CPEB4: variants seen among roughly 807,000 people sequenced by gnomAD.
CPEB4 encodes cytoplasmic polyadenylation element-binding protein 4.
A neutral mutation model predicts 72.5 loss-of-function variants in CPEB4; 12 were observed. That is an observed-to-expected ratio of 0.17 (90% CI 0.11 to 0.27). The LOEUF is 0.27. CPEB4 is among the 10% of genes least tolerant of loss of function. CPEB4 has a pLI of 1.00. For synonymous variants in CPEB4, 302 were observed against 326.3 expected (o/e 0.93, Z 0.80); for missense variants, 614 against 908.5 (o/e 0.68, Z 4.17).
chr5:173,888,555 C>T lies in CPEB4; in HGVS notation c.-1179C>T. The T allele has an allele frequency of 2.5e-6, 1 of 403,164 alleles. No homozygotes were observed. Among genetic ancestry groups the T allele is most frequent in the African/African-American group, 2.1e-5 (1 of 48,702 alleles). The allele number at this position is 403,164 out of a possible 1,614,324, so 25.0% of individuals were successfully genotyped here. ...GGTAAAGCGGCGACGGCGGCGACGG[C>T]CCAGCAACCGTGAGGAGAAACAAAA... On this transcript the variant is annotated 5_prime_UTR_variant, in exon 1 of 10. Coordinates refer to ENST00000265085, the MANE Select transcript of CPEB4 (RefSeq NM_030627.4). This position sits in a 1 kb window ranked among gnomAD's most constrained non-coding sequence, Gnocchi z 4.3.
intron 1 of CPEB4, among the ~76,000 whole-genome samples, chr5:173,892,079 G>C (rs1755833411): frequency 6.6e-6 from 1 of 152,166 alleles, no homozygotes; most frequent in East Asian, 1.9e-4. Context: ...TGCAAAGGCT[G>C]AAACAGATTA....
intron 2 of CPEB4, among the ~76,000 whole-genome samples, chr5:173,917,448 G>T (rs1297227465): frequency 1.3e-5 from 2 of 152,184 alleles, no homozygotes; most frequent in Non-Finnish European, 2.9e-5. Flanking sequence ...AGAAGAAGTG[G>T]ATAGGCTGGG....
At chr5:173,898,310 A>G (rs920404508) in intron 1 of CPEB4, among the ~76,000 whole-genome samples, 5 of 152,290 alleles carry the variant, frequency 3.3e-5, no homozygotes, top group Admixed American at 1.3e-4. Flanking sequence ...TTTATTGTCT[A>G]TGAGACCTTA....
intron 1 of CPEB4, among the ~76,000 whole-genome samples, chr5:173,906,235 A>C (rs558684447): frequency 2.6e-5 from 4 of 152,316 alleles, no homozygotes; most frequent in Non-Finnish European, 5.9e-5. Flanking sequence ...GAAAACCAGC[A>C]TTGTTTGTAC....
chr5:173,901,917 CA>C (rs1490650169), intron 1 of CPEB4, among the ~76,000 whole-genome samples: 1 of 152,066 alleles, frequency 6.6e-6, no homozygotes, highest in African/African-American at 2.4e-5. Flanking sequence ...CTCTGTCATA[CA>C]GAGCTTATCA....
intron 2 of CPEB4, chr5:173,918,302 T>A (rs1756952063): frequency 2.0e-5 from 3 of 152,252 alleles, no homozygotes. Flanking sequence ...GTGGCATGAT[T>A]TTTTTGTATG....
chr5:173,898,284 A>G (rs553488309), intron 1 of CPEB4, among the ~76,000 whole-genome samples: 2 of 152,300 alleles, frequency 1.3e-5, no homozygotes, highest in African/African-American at 4.8e-5. Context: ...CTAGTCAGTA[A>G]AATAGTTGCT....
intron 1 of CPEB4, among the ~76,000 whole-genome samples, chr5:173,899,449 C>T (rs1315371206): frequency 6.6e-6 from 1 of 152,126 alleles, no homozygotes; most frequent in Non-Finnish European, 1.5e-5. Context: ...TCTGTTGTAC[C>T]TGCTCAGTCT....
intron 1 of CPEB4, among the ~76,000 whole-genome samples, chr5:173,899,794 A>T (rs1432036352): frequency 2.0e-5 from 3 of 152,172 alleles, no homozygotes; most frequent in Non-Finnish European, 4.4e-5. Flanking sequence ...GACTGCATCA[A>T]CTTTTTACAT....
At chr5:173,927,105 C>T (rs577838855) in intron 2 of CPEB4, among the ~76,000 whole-genome samples, 4 of 152,126 alleles carry the variant, frequency 2.6e-5, no homozygotes, top group African/African-American at 7.2e-5. Flanking sequence ...GAGCCAAGAT[C>T]GTGCCATTGC....
intron 3 of CPEB4, among the ~76,000 whole-genome samples, chr5:173,942,447 G>A (rs536873558): frequency 6.6e-6 from 1 of 152,310 alleles, no homozygotes; most frequent in South Asian, 2.1e-4. Flanking sequence ...AAAATACCAA[G>A]CCTTTTACTT....
In CPEB4 at chr5:173,889,711, G is replaced by T. The variant is rs1755734097; in HGVS notation, c.-23G>T. 2.0e-6 allele frequency: 3 copies of T among 1,531,508 alleles called. No individual in the cohort carries two copies. Among genetic ancestry groups the T allele is most frequent in the South Asian group, 1.3e-5 (1 of 78,842 alleles). The allele number at this position is 1,531,508 out of a possible 1,614,324, so 94.9% of individuals were successfully genotyped here. On this transcript the variant is annotated 5_prime_UTR_variant, in exon 1 of 10. Coordinates refer to ENST00000265085, the MANE Select transcript of CPEB4 (RefSeq NM_030627.4). ...ATCAGGTTGTCATTTTTTATTGTGA[G>T]ATTCTGCTCCTAAAGATAATAAATG...
intron 2 of CPEB4, among the ~76,000 whole-genome samples, chr5:173,911,758 C>CTTCA (rs368468085): frequency 0.012 from 1,677 of 139,106 alleles, 20 homozygotes; most frequent in African/African-American, 0.029. Context: ...CTGTTGGCTC[C>CTTCA]TTCATTCATT....
chr5:173,891,071 TGTC>T (rs1755794641), intron 1 of CPEB4, among the ~76,000 whole-genome samples: 1 of 151,184 alleles, frequency 6.6e-6, no homozygotes, highest in South Asian at 2.2e-4. Flanking sequence ...GCCTTAATCT[TGTC>T]ATAGATAATT....
chr5:173,889,481 C>G lies in CPEB4; in HGVS notation c.-253C>G, dbSNP rs1755725675. 2.8e-6 allele frequency: 1 copy of G among 358,416 alleles called. No homozygotes were observed. The highest frequency in any genetic ancestry group is 4.2e-5 in the Admixed American group (1 of 23,602). The allele number at this position is 358,416 out of a possible 1,614,324, so 22.2% of individuals were successfully genotyped here. Reference sequence around the variant, plus strand: ...ATTTTTACCCTCTTCATTTTTATTCCCTCCTAAAAATAAGCCCAATTGGAT... The same window carrying G: ...ATTTTTACCCTCTTCATTTTTATTCGCTCCTAAAAATAAGCCCAATTGGAT... On this transcript the variant is annotated 5_prime_UTR_variant, in exon 1 of 10. Transcript: ENST00000265085.
Position 173,900,686 on chromosome 5 carries a change from T to C in CPEB4, c.1125+9828T>C, listed in dbSNP as rs554052550. On this transcript the variant is annotated intron_variant, in intron 1 of 9. Transcript: ENST00000265085. The surrounding 1 kb of genome is among the most constrained non-coding windows in gnomAD (Gnocchi z 4.4). ...CTCTATGAAAACAGGTTATAGAAAA[T>C]AGCACAGAATCACTGACTTATTCAG... Among the ~76,000 whole-genome samples, 1 of 152,342 alleles carries C rather than the reference T, an allele frequency of 6.6e-6. No individual in the cohort carries two copies. Among genetic ancestry groups the C allele is most frequent in the East Asian group, 1.9e-4 (1 of 5,190 alleles).
chr5:173,930,415 C>T (rs1199085451), intron 2 of CPEB4, among the ~76,000 whole-genome samples: 1 of 152,062 alleles, frequency 6.6e-6, no homozygotes, highest in Non-Finnish European at 1.5e-5. Context: ...CAAGTCTATC[C>T]TTTTAAAAAT....
chr5:173,922,809 T>C (rs1484075154), intron 2 of CPEB4, among the ~76,000 whole-genome samples: 1 of 152,210 alleles, frequency 6.6e-6, no homozygotes, highest in Non-Finnish European at 1.5e-5. Flanking sequence ...ATATGTAAAG[T>C]CCAGAGCTGT....
intron 3 of CPEB4, among the ~76,000 whole-genome samples, chr5:173,934,319 A>G (rs1487417476): frequency 6.6e-6 from 1 of 152,300 alleles, no homozygotes; most frequent in South Asian, 2.1e-4. Flanking sequence ...CAAAATATTT[A>G]TGTTTTCAAA....
Sources: gnomAD v4.1 joint callset for allele counts (sites outside exome capture counted in the v4.1 genomes callset) on GRCh38, gnomAD v4.1.1 for gene constraint, Gnocchi (gnomAD v3.1) non-coding constraint, MANE v1.5 for transcripts, NCBI Gene and HGNC (gene_info 2026-07-23, HGNC 2026-07-21) for gene names.